The following GUCY2F variants were observed in gnomAD, a reference collection of about 807,000 sequenced individuals.
The protein encoded by GUCY2F is guanylate cyclase 2F, retinal.
A neutral mutation model predicts 73.1 loss-of-function variants in GUCY2F; 61 were observed. The ratio of observed to expected loss-of-function variants is 0.83; its 90% CI spans 0.68 to 1.03. The LOEUF is 1.03. GUCY2F is among the 50% of genes least tolerant of loss of function. The pLI is 0.00. For synonymous variants in GUCY2F, 331 were observed against 307.8 expected, an observed-to-expected ratio of 1.08 and a Z score of -0.79; for missense variants, 912 against 854.3, an observed-to-expected ratio of 1.07 and a Z score of -0.84.
rs867643220 is a variant in GUCY2F at position 109,475,646 on chromosome X, G to A, written c.291C>T (p.Tyr97=). ...PSFDLSYSFE[Y]VILNEDCQTS... ...TCTGGCAGTCTTCATTGAGAATCAC[G>A]TATTCAAAAGAATAACTCAGGTCAA... The change falls in exon 2 of 20, where the codon TAC becomes TAT. Residue 97 remains tyrosine, a synonymous_variant. Coordinates refer to ENST00000218006, the MANE Select transcript of GUCY2F (RefSeq NM_001522.3). 8.3e-7 allele frequency: 1 copy of A among 1,208,649 alleles called. No homozygotes were observed. Among genetic ancestry groups the A allele is most frequent in the African/African-American group, 1.7e-5 (1 of 57,598 alleles).
chrX:109,454,042 T>A (rs1390817041), intron 3 of GUCY2F, among the ~76,000 whole-genome samples, 183 bp from the exon 4 acceptor site: 1 of 111,021 alleles, frequency 9.0e-6, no homozygotes, highest in East Asian at 2.8e-4. Flanking sequence ...TTTCTGTTTT[T>A]TTTTCCCCCA....
At chrX:109,393,340 G>C (rs955001463) in intron 12 of GUCY2F, among the ~76,000 whole-genome samples, 2 of 102,360 alleles carry the variant, frequency 2.0e-5, no homozygotes, top group African/African-American at 7.3e-5. Context: ...GGCTCCTTCA[G>C]TTCTGAGATG....
intron 1 of GUCY2F, among the ~76,000 whole-genome samples, chrX:109,478,595 C>G (rs1434089146): frequency 8.9e-6 from 1 of 112,289 alleles, no homozygotes; most frequent in African/African-American, 3.2e-5. Context: ...GCATTTAATC[C>G]AGAAATTAGC....
chrX:109,478,257 A>G, intron 1 of GUCY2F, among the ~76,000 whole-genome samples: 1 of 112,621 alleles, frequency 8.9e-6, no homozygotes, highest in Non-Finnish European at 1.9e-5. Flanking sequence ...TCTAGTCAAG[A>G]GCCACAAGCT....
intron 10 of GUCY2F, among the ~76,000 whole-genome samples, chrX:109,399,225 C>A (rs748249694): frequency 5.9e-4 from 66 of 112,780 alleles, no homozygotes; most frequent in Non-Finnish European, 1.1e-3. Flanking sequence ...CTCAGTTCTG[C>A]AAATATTTAT....
In GUCY2F at chrX:109,446,782, A is replaced by G. The variant is rs770132133; in HGVS notation, c.1569+1287T>C. On this transcript the variant is annotated intron_variant, in intron 6 of 19. Coordinates refer to ENST00000218006, the MANE Select transcript of GUCY2F (RefSeq NM_001522.3). The stretch of plus-strand genomic sequence containing the variant: ...AAGCCAAAATACACAAATGGGATCT[A>G]ATTAAACTAAAGAGCTTCTGCACAG... Among the ~76,000 whole-genome samples the G allele has an allele frequency of 4.5e-5, 5 of 112,162 alleles. No individual in the cohort carries two copies. In the South Asian group the frequency reaches 1.5e-3, roughly 33 times the overall value.
chrX:109,404,388 A>G lies in GUCY2F; in HGVS notation c.2065T>C (p.Tyr689His), dbSNP rs774223394. ...DGRFVLKVTD[Y>H]GFNDILEMLR... ...ATTTCTAAGATGTCGTTAAAGCCATAATCTGTCACTTTTAGTACAAAACGC... is the reference window on the plus strand; with the variant it reads ...ATTTCTAAGATGTCGTTAAAGCCATGATCTGTCACTTTTAGTACAAAACGC... The change falls in exon 10 of 20, where the codon TAT (tyrosine) becomes CAT (histidine). Residue 689 changes from tyrosine to histidine, a missense_variant. Transcript: ENST00000218006. 6.7e-6 allele frequency: 8 copies of G among 1,190,901 alleles called. No individual in the cohort carries two copies. Among genetic ancestry groups the G allele is most frequent in the Non-Finnish European group, 9.1e-6 (8 of 877,714 alleles).
intron 16 of GUCY2F, chrX:109,383,399 A>G: frequency 1.4e-6 from 1 of 734,582 alleles, no homozygotes. Context: ...GAATCACTCC[A>G]GGACTGGGTC....
intron 8 of GUCY2F, among the ~76,000 whole-genome samples, chrX:109,414,426 G>A (rs1931191783): frequency 8.9e-6 from 1 of 111,899 alleles, no homozygotes. Context: ...GAAGTCAATG[G>A]TCATATAGAA....
rs140944625 is a variant in GUCY2F, at chrX:109,409,746, G to C, written c.1792-578C>G. ...TCACGAGATCTGATGGTTTTATAAA[G>C]GGGAGTTCCCCTGCACATGTCCTCT... On this transcript the variant is annotated intron_variant, in intron 8 of 19. Coordinates refer to ENST00000218006, the MANE Select transcript of GUCY2F (RefSeq NM_001522.3). Among the ~76,000 whole-genome samples, 30 of 111,252 alleles carry C rather than the reference G, an allele frequency of 2.7e-4. No individual in the cohort carries two copies. The East Asian group carries it at 8.3e-3, about 31-fold the overall frequency.
chrX:109,388,754 C>A, intron 14 of GUCY2F, 91 bp from the exon 15 acceptor site: 2 of 567,864 alleles, frequency 3.5e-6, no homozygotes, highest in South Asian at 5.9e-5. Flanking sequence ...GCCAGGTGGT[C>A]TTGTTGTAAA....
intron 10 of GUCY2F, among the ~76,000 whole-genome samples, chrX:109,402,454 C>T (rs1299685890): frequency 9.3e-6 from 1 of 107,684 alleles, no homozygotes; most frequent in Non-Finnish European, 1.9e-5. Context: ...CTCACTGCAA[C>T]CTCCGCCTCC....
At chrX:109,398,056 GA>G (rs1432704930) in intron 11 of GUCY2F, among the ~76,000 whole-genome samples, 1 of 110,306 alleles carries the variant, frequency 9.1e-6, no homozygotes, top group African/African-American at 3.3e-5. Flanking sequence ...CATACTTTGA[GA>G]ATATACAGAT....
At chrX:109,456,586 A>G (rs1025697840) in intron 3 of GUCY2F, among the ~76,000 whole-genome samples, 1 of 111,872 alleles carries the variant, frequency 8.9e-6, no homozygotes. Context: ...GCTGACTGAC[A>G]GAAACTCCCC....
At chrX:109,468,299 T>C (rs1262794862) in intron 2 of GUCY2F, among the ~76,000 whole-genome samples, 1 of 112,176 alleles carries the variant, frequency 8.9e-6, no homozygotes, top group East Asian at 2.8e-4. Flanking sequence ...ACTACCAAAC[T>C]GTGAGCTCCT....
intron 12 of GUCY2F, among the ~76,000 whole-genome samples, chrX:109,393,644 C>G (rs936705627): frequency 2.7e-5 from 3 of 111,657 alleles, no homozygotes; most frequent in East Asian, 5.7e-4. Flanking sequence ...TTTGGTCAGT[C>G]AGAGTGATGT....
chrX:109,375,908 G>C lies in GUCY2F; in HGVS notation c.3318C>G (p.Asn1106Lys), dbSNP rs202106035. Residue 1106 changes from asparagine to lysine, a missense_variant, in exon 19 of 20, where the codon AAC becomes AAG. Asn to Lys is a moderately conservative substitution (Grantham distance 94, BLOSUM62 0). Coordinates refer to ENST00000218006, the MANE Select transcript of GUCY2F (RefSeq NM_001522.3). The stretch of plus-strand genomic sequence containing the variant: ...CCTCCTGGCCATTACCTTATGGCTT[G>C]TTTCTCACCAACTGCCTTTCTGCTT... ...RRKAERQLVR[N>K]KP 8.3e-7 allele frequency: 1 copy of C among 1,201,375 alleles called. No individual in the cohort carries two copies. The highest frequency in any genetic ancestry group is 1.8e-5 in the South Asian group (1 of 56,600).
chrX:109,437,243 G>A (rs943615419), intron 7 of GUCY2F, among the ~76,000 whole-genome samples: 3 of 111,363 alleles, frequency 2.7e-5, no homozygotes, highest in South Asian at 3.8e-4. Context: ...TGACTTCACC[G>A]TGTAGGTATT....
intron 8 of GUCY2F, among the ~76,000 whole-genome samples, chrX:109,410,842 G>A (rs191634790): frequency 1.8e-5 from 2 of 111,267 alleles, no homozygotes; most frequent in Middle Eastern, 4.2e-3. Flanking sequence ...TGATGAGAGG[G>A]GTTGAGAGTG....
Sources: allele counts gnomAD v4.1 joint callset (sites outside exome capture counted in the v4.1 genomes callset), GRCh38; gene constraint gnomAD v4.1.1; transcripts MANE v1.5; gene names NCBI Gene and HGNC (gene_info 2026-07-23, HGNC 2026-07-21).